The following PRKN variants were observed in gnomAD, a reference collection of about 807,000 sequenced individuals.
PRKN encodes the protein parkin RBR E3 ubiquitin protein ligase, also known as E3 ubiquitin-protein ligase parkin.
Under a neutral mutation model 59.5 loss-of-function variants are expected in PRKN, and 56 were observed. The ratio of observed to expected loss-of-function variants is 0.94; its 90% CI spans 0.76 to 1.18. The LOEUF (loss-of-function observed/expected upper bound fraction) is 1.18, where lower values mean the gene tolerates loss of function less well. Among genes scored for constraint, PRKN ranks in the 50% most tolerant of loss-of-function variants. PRKN has a pLI of 0.00. For synonymous variants in PRKN, 250 were observed against 222.1 expected (o/e 1.13, Z -1.12); for missense variants, 657 against 596.4 (o/e 1.10, Z -1.06).
At chr6:161,495,188 T>G (rs1777701580) in intron 9 of PRKN, among the ~76,000 whole-genome samples, 1 of 152,332 alleles carries the variant, frequency 6.6e-6, no homozygotes, top group East Asian at 1.9e-4. Context: ...ATCTGGTTTG[T>G]ATTTTACATT....
intron 4 of PRKN, among the ~76,000 whole-genome samples, chr6:162,070,288 T>C (rs889046392): frequency 2.0e-5 from 3 of 152,212 alleles, no homozygotes; most frequent in Non-Finnish European, 2.9e-5. Context: ...GATTTGTTAA[T>C]CATCAAAACA....
At chr6:162,135,402 G>T (rs889343665) in intron 4 of PRKN, among the ~76,000 whole-genome samples, 2 of 152,198 alleles carry the variant, frequency 1.3e-5, no homozygotes, top group Non-Finnish European at 2.9e-5. Flanking sequence ...TGGAATCTGA[G>T]AAATTAGAAC....
chr6:162,531,958 A>G (rs1227400434), intron 1 of PRKN, among the ~76,000 whole-genome samples: 2 of 151,010 alleles, frequency 1.3e-5, no homozygotes, highest in Non-Finnish European at 3.0e-5. Context: ...AAAAAAAAAA[A>G]TGTAACAAAA....
At chr6:161,665,010 AC>A (rs756964621) in intron 7 of PRKN, among the ~76,000 whole-genome samples, 4 of 151,736 alleles carry the variant, frequency 2.6e-5, no homozygotes, top group Non-Finnish European at 5.9e-5. Context: ...CTGGTCTCGA[AC>A]TCCTGACCTC....
intron 7 of PRKN, among the ~76,000 whole-genome samples, chr6:161,680,726 C>CAT (rs56954052): frequency 2.6e-3 from 130 of 50,976 alleles, no homozygotes; most frequent in African/African-American, 5.0e-3. Flanking sequence ...TCCTGAAATA[C>CAT]ATATATATAT....
At chr6:161,492,456 G>A (rs970288698) in intron 9 of PRKN, among the ~76,000 whole-genome samples, 5 of 152,238 alleles carry the variant, frequency 3.3e-5, no homozygotes, top group African/African-American at 1.2e-4. Context: ...AGCAGTCAAC[G>A]TGAAAAGTTC....
At chr6:161,963,611 C>T (rs1401032249) in intron 6 of PRKN, among the ~76,000 whole-genome samples, 2 of 152,246 alleles carry the variant, frequency 1.3e-5, no homozygotes, top group East Asian at 3.8e-4. Flanking sequence ...TTATTTCTAA[C>T]ACCTCCTTAA....
At chr6:162,686,777 CGCAGA>C (rs1456372309) in intron 1 of PRKN, among the ~76,000 whole-genome samples, 1 of 152,118 alleles carries the variant, frequency 6.6e-6, no homozygotes, top group African/African-American at 2.4e-5. Context: ...TCTCAGAATA[CGCAGA>C]GCATGTTTTT....
At chr6:161,500,826 T>A (rs1777931110) in intron 9 of PRKN, among the ~76,000 whole-genome samples, 1 of 152,042 alleles carries the variant, frequency 6.6e-6, no homozygotes, top group Non-Finnish European at 1.5e-5. Flanking sequence ...CCAAGAAGCA[T>A]GTTTGCTAGA....
In PRKN at chr6:161,448,110, A is replaced by G. The variant is rs117387268; in HGVS notation, c.1084-61233T>C. Among the ~76,000 whole-genome samples, 1,361 of 152,274 alleles carry G rather than the reference A, an allele frequency of 8.9e-3. 55 individuals are homozygous for G. The East Asian group carries it at 0.11, about 13-fold the overall frequency. On this transcript the variant is annotated intron_variant, in intron 9 of 11. Transcript: ENST00000366898. This position sits in a 1 kb window ranked among gnomAD's most constrained non-coding sequence, Gnocchi z 5.1. ...AGTCAACAGTAGCCAATCAAATCTT[A>G]CATCTGTGTGTTAGCCGTTGTATGG...
intron 7 of PRKN, among the ~76,000 whole-genome samples, chr6:161,732,675 C>G (rs1286800826): frequency 6.6e-6 from 1 of 152,150 alleles, no homozygotes; most frequent in Non-Finnish European, 1.5e-5. Flanking sequence ...TGTTAGTTTG[C>G]TTAGGATAAT....
chr6:162,227,193 A>G (rs1778219789), intron 3 of PRKN, among the ~76,000 whole-genome samples: 1 of 152,206 alleles, frequency 6.6e-6, no homozygotes, highest in Admixed American at 6.5e-5. Context: ...TCTCTGTAAT[A>G]AAGTCCAAAT....
chr6:161,784,387 T>A (rs539653864), intron 7 of PRKN, among the ~76,000 whole-genome samples: 3 of 152,322 alleles, frequency 2.0e-5, no homozygotes, highest in East Asian at 3.9e-4. Flanking sequence ...TATGTGCATA[T>A]CCTATATCTG....
intron 7 of PRKN, among the ~76,000 whole-genome samples, chr6:161,598,330 T>C (rs73595311): frequency 0.03 from 4,503 of 152,228 alleles, 227 homozygotes; most frequent in African/African-American, 0.1. Context: ...AAGCTCTATA[T>C]TGAGAAACAT....
intron 1 of PRKN, among the ~76,000 whole-genome samples, chr6:162,596,329 A>C (rs2128215533): frequency 6.6e-6 from 1 of 152,324 alleles, no homozygotes; most frequent in Admixed American, 6.5e-5. Flanking sequence ...AATACTTTAA[A>C]GGTAGGCTGC....
At chr6:161,472,720 GATTGGA>G (rs761862364) in intron 9 of PRKN, among the ~76,000 whole-genome samples, 2 of 152,214 alleles carry the variant, frequency 1.3e-5, no homozygotes, top group Non-Finnish European at 2.9e-5. Context: ...GCAGCTTACA[GATTGGA>G]AGAAAATATT....
At chr6:162,573,708 T>C (rs1780443577) in intron 1 of PRKN, among the ~76,000 whole-genome samples, 1 of 152,176 alleles carries the variant, frequency 6.6e-6, no homozygotes, top group Non-Finnish European at 1.5e-5. Flanking sequence ...AAAATTTGGC[T>C]AGCATCTTTC....
At chr6:161,541,328 G>A (rs756051525) in intron 9 of PRKN, among the ~76,000 whole-genome samples, 2 of 152,172 alleles carry the variant, frequency 1.3e-5, no homozygotes, top group Admixed American at 6.5e-5. Flanking sequence ...CCAGACAGAG[G>A]TCAGAGCACG....
chr6:162,462,380 T>C (rs146727817), intron 1 of PRKN, among the ~76,000 whole-genome samples: 7 of 152,330 alleles, frequency 4.6e-5, no homozygotes, highest in Admixed American at 6.5e-5. Context: ...TGAGAGTGAT[T>C]GTATATGGTT....
Sources: allele counts gnomAD v4.1 joint callset (sites outside exome capture counted in the v4.1 genomes callset), GRCh38; gene constraint gnomAD v4.1.1; non-coding constraint Gnocchi (gnomAD v3.1); transcripts MANE v1.5; gene names NCBI Gene and HGNC (gene_info 2026-07-23, HGNC 2026-07-21).